The following KIF16B variants were observed in gnomAD, a reference collection of about 807,000 sequenced individuals.
KIF16B encodes kinesin-like protein KIF16B.
A neutral mutation model predicts 156.3 loss-of-function variants in KIF16B; 98 were observed. That is an observed-to-expected ratio of 0.63 (90% CI 0.53 to 0.74). KIF16B has a LOEUF of 0.74. KIF16B is among the 30% of genes least tolerant of loss of function. The probability of loss-of-function intolerance (pLI) is 0.00; values close to 1 mark genes in which losing one functional copy is unlikely to be tolerated. For missense variants in KIF16B, 1,421 were observed against 1,606.5 expected, an observed-to-expected ratio of 0.88 and a Z score of 1.97; for synonymous variants, 564 against 583.7, an observed-to-expected ratio of 0.97 and a Z score of 0.49.
intron 1 of KIF16B, among the ~76,000 whole-genome samples, chr20:16,535,330 T>C (rs1418806441): frequency 6.6e-6 from 1 of 152,234 alleles, no homozygotes; most frequent in African/African-American, 2.4e-5. Context: ...TATTGACTTT[T>C]GTATGTTGAT....
chr20:16,382,808 G>A lies in KIF16B; in HGVS notation c.1785-1061C>T, dbSNP rs561903943. Among the ~76,000 whole-genome samples the A allele has an allele frequency of 5.3e-5, 8 of 150,500 alleles. 1 individual carries two copies. The South Asian group carries it at 8.4e-4, about 16-fold the overall frequency. ...TTAAGCTTATACATTTTTCTGTTGC[G>A]GTAGAGGGCAGATACAGCTAAAAAG... On this transcript the variant is annotated intron_variant, in intron 17 of 25. Transcript: ENST00000354981.
chr20:16,409,820 TG>T (rs1369461764), intron 15 of KIF16B, among the ~76,000 whole-genome samples: 1 of 150,186 alleles, frequency 6.7e-6, no homozygotes, highest in Non-Finnish European at 1.5e-5. Context: ...CAAGATGGGG[TG>T]GGGAAAAATC....
intron 1 of KIF16B, among the ~76,000 whole-genome samples, chr20:16,551,630 C>T (rs1303173053): frequency 1.3e-5 from 2 of 152,196 alleles, no homozygotes; most frequent in African/African-American, 4.8e-5. Flanking sequence ...GAATTCATCC[C>T]AGAATCCTTG....
intron 3 of KIF16B, among the ~76,000 whole-genome samples, chr20:16,521,346 A>G (rs1323035933): frequency 6.6e-6 from 1 of 151,982 alleles, no homozygotes; most frequent in Admixed American, 6.6e-5. Context: ...GAGCTGAAAG[A>G]CACAGCACAA....
intron 17 of KIF16B, among the ~76,000 whole-genome samples, chr20:16,391,453 C>A (rs988883466): frequency 1.3e-5 from 2 of 152,188 alleles, no homozygotes; most frequent in African/African-American, 2.4e-5. Flanking sequence ...CCCTCATAAA[C>A]CTCTATACCA....
At chr20:16,274,042 C>T (rs928723228) in intron 25 of KIF16B, among the ~76,000 whole-genome samples, 4 of 150,450 alleles carry the variant, frequency 2.7e-5, no homozygotes, top group Non-Finnish European at 4.4e-5. Flanking sequence ...ATTTCCTCCC[C>T]GCTCCCAGTT....
chr20:16,456,777 A>T (rs2067224064), intron 12 of KIF16B, among the ~76,000 whole-genome samples: 1 of 152,102 alleles, frequency 6.6e-6, no homozygotes, highest in African/African-American at 2.4e-5. Context: ...TTTTTGCCAC[A>T]TCTGGCTTGG....
intron 1 of KIF16B, among the ~76,000 whole-genome samples, chr20:16,567,032 A>C (rs2071278381): frequency 6.6e-6 from 1 of 152,136 alleles, no homozygotes; most frequent in African/African-American, 2.4e-5. Context: ...TGAAATAAAC[A>C]TGTTCCTACC....
chr20:16,357,037 T>G (rs1398481084), intron 22 of KIF16B, among the ~76,000 whole-genome samples: 2 of 152,214 alleles, frequency 1.3e-5, no homozygotes, highest in Non-Finnish European at 2.9e-5. Flanking sequence ...ATTTATGGCC[T>G]GGGCAGTGGG....
intron 13 of KIF16B, among the ~76,000 whole-genome samples, chr20:16,429,594 C>G (rs757845528): frequency 2.6e-5 from 4 of 152,124 alleles, no homozygotes; most frequent in Admixed American, 6.6e-5. Flanking sequence ...GTCTGTGTGC[C>G]TTTTTGTTCC....
intron 24 of KIF16B, 21 bp downstream of exon 24, chr20:16,335,905 G>A (rs2064027583): frequency 2.2e-6 from 3 of 1,358,024 alleles, no homozygotes; most frequent in South Asian, 1.2e-5. Flanking sequence ...CTTAATCGGA[G>A]ATAATAATTT....
chr20:16,308,322 C>T (rs1320494570), intron 25 of KIF16B, among the ~76,000 whole-genome samples: 2 of 152,208 alleles, frequency 1.3e-5, no homozygotes, highest in African/African-American at 4.8e-5. Flanking sequence ...CTGCTTGGCA[C>T]AGAGTAGGTG....
At chr20:16,503,013 C>T (rs571421444) in intron 10 of KIF16B, among the ~76,000 whole-genome samples, 7 of 152,132 alleles carry the variant, frequency 4.6e-5, no homozygotes, top group Non-Finnish European at 1.0e-4. Context: ...TCAGGAGTTC[C>T]AGACCAGACT....
intron 1 of KIF16B, among the ~76,000 whole-genome samples, chr20:16,560,838 G>C (rs2071030769): frequency 6.6e-6 from 1 of 152,132 alleles, no homozygotes; most frequent in African/African-American, 2.4e-5. Flanking sequence ...GGAATTGGCA[G>C]TCACTCTGAC....
intron 12 of KIF16B, among the ~76,000 whole-genome samples, chr20:16,451,595 G>A (rs1412100423): frequency 6.6e-6 from 1 of 151,166 alleles, no homozygotes; most frequent in East Asian, 1.9e-4. Flanking sequence ...GAAGAATGTA[G>A]TCAAGTTCAT....
chr20:16,461,850 C>T (rs934299755), intron 12 of KIF16B, among the ~76,000 whole-genome samples: 2 of 152,102 alleles, frequency 1.3e-5, no homozygotes, highest in Admixed American at 6.5e-5. Flanking sequence ...CTAACGAAGG[C>T]AGTTATTTGA....
chr20:16,564,974 C>CCTCTCTCCATGCCCCTT (rs1330118035), intron 1 of KIF16B, among the ~76,000 whole-genome samples: 1 of 152,158 alleles, frequency 6.6e-6, no homozygotes, highest in Non-Finnish European at 1.5e-5. Flanking sequence ...TTCCTCCCTT[C>CCTCTCTCCATGCCCCTT]CTCTCTCCAT....
chr20:16,368,557 C>T (rs957731771), intron 22 of KIF16B: 3 of 985,848 alleles, frequency 3.0e-6, no homozygotes, highest in African/African-American at 3.5e-5. Context: ...CAGGTGACTG[C>T]TGGTATCTTT....
At chr20:16,315,901 A>C (rs919917794) in intron 24 of KIF16B, among the ~76,000 whole-genome samples, 2 of 152,220 alleles carry the variant, frequency 1.3e-5, no homozygotes, top group Non-Finnish European at 2.9e-5. Context: ...TGGGGCATGA[A>C]CAAGCCAAAG....
Sources: allele counts gnomAD v4.1 joint callset (sites outside exome capture counted in the v4.1 genomes callset), GRCh38; gene constraint gnomAD v4.1.1; transcripts MANE v1.5; gene names NCBI Gene and HGNC (gene_info 2026-07-23, HGNC 2026-07-21).